MMP12: variants seen among roughly 807,000 people sequenced by gnomAD.
MMP12 encodes macrophage metalloelastase.
MMP12 carries 51 observed loss-of-function variants against 45.2 expected under a neutral mutation model. That is an observed-to-expected ratio of 1.13 (90% CI 0.90 to 1.42). MMP12 has a LOEUF of 1.42. Among genes scored for constraint, MMP12 ranks in the 40% most tolerant of loss-of-function variants. The pLI is 0.00. For synonymous variants in MMP12, 210 were observed against 193.3 expected (o/e 1.09, Z -0.72); for missense variants, 530 against 570.8 (o/e 0.93, Z 0.73).
intron 4 of MMP12, among the ~76,000 whole-genome samples, chr11:102,868,519 T>C (rs561619071): frequency 6.6e-6 from 1 of 152,328 alleles, no homozygotes; most frequent in East Asian, 1.9e-4. Flanking sequence ...ATTTTTAGTC[T>C]TCATGAAGCT....
intron 4 of MMP12, 24 bp from the exon 5 acceptor site, chr11:102,868,093 C>G: frequency 6.4e-7 from 1 of 1,568,498 alleles, no homozygotes; most frequent in Non-Finnish European, 8.7e-7. Flanking sequence ...AACCAAAAGA[C>G]AGCTGTGAAA....
chr11:102,874,753 A>G (rs1156612362), intron 1 of MMP12, 83 bp downstream of exon 1: 18 of 962,666 alleles, frequency 1.9e-5, no homozygotes, highest in Non-Finnish European at 2.8e-5. Context: ...ACAAACAAAC[A>G]AACAAACAAA....
rs1859527856 is a variant in MMP12 at position 102,872,932 on chromosome 11, G to A, written c.283C>T (p.Pro95Ser). The A allele has an allele frequency of 6.2e-7, 1 of 1,613,570 alleles. No homozygotes were observed. The change falls in exon 2 of 10, where the codon CCC (proline) becomes TCC (serine). Residue 95 changes from proline (P) to serine (S), a missense_variant. By Grantham distance (74) the Pro-to-Ser change is moderately conservative (BLOSUM62 -1). Coordinates refer to ENST00000571244, the MANE Select transcript of MMP12 (RefSeq NM_002426.6). ...ATTTCCCTGAAATGATGGACATCGG[G>A]GACTCCACATCGAGGTGCGTGCATC... Reference protein sequence around the residue: ...EMMHAPRCGVPDVHHFREMPG... With the variant: ...EMMHAPRCGVSDVHHFREMPG...
intron 3 of MMP12, 35 bp downstream of exon 3, chr11:102,871,769 T>C: frequency 6.2e-7 from 1 of 1,613,082 alleles, no homozygotes; most frequent in Non-Finnish European, 8.5e-7. Flanking sequence ...CTATAGATCA[T>C]GCCAAATGAC....
chr11:102,871,970 G>A lies in MMP12; in HGVS notation c.351-18C>T, dbSNP rs781893242. ...TATTGATTCTTTATCAGCAAAAAGA[G>A]AGAGAAAAATGTATGGAAGGCAGTG... On this transcript the variant is annotated intron_variant, in intron 2 of 9. Transcript: ENST00000571244. The A allele has an allele frequency of 1.9e-6, 3 of 1,590,284 alleles. No individual in the cohort carries two copies. The highest frequency in any genetic ancestry group is 3.6e-5 in the Admixed American group (2 of 55,198).
chr11:102,871,627 C>G lies in MMP12; in HGVS notation c.592G>C (p.Asp198His), dbSNP rs201174015. The G allele has an allele frequency of 1.4e-5, 22 of 1,563,506 alleles. No individual in the cohort carries two copies. Among genetic ancestry groups the G allele is most frequent in the Non-Finnish European group, 1.8e-5 (21 of 1,152,878 alleles). Reference protein sequence around the residue: ...GSGIGGDAHFDEDEFWTTHSG... With the variant: ...GSGIGGDAHFHEDEFWTTHSG... ...TGTGTAGTCCAGAATTCGTCCTCAT[C>G]GAAATGTGCATCCCCTCCAATGCCA... The change falls in exon 4 of 10, where the codon GAT becomes CAT. Residue 198 changes from aspartate to histidine, a missense_variant. Coordinates refer to ENST00000571244, the MANE Select transcript of MMP12 (RefSeq NM_002426.6).
rs574086650 is a variant in MMP12 at position 102,874,515 on chromosome 11, G to A, written c.102+321C>T. The stretch of plus-strand genomic sequence containing the variant: ...TGTTCAGATCTCAGATTATTAACTG[G>A]CATTTAATGATTAGTGTAAAATACC... On this transcript the variant is annotated intron_variant, in intron 1 of 9. Coordinates refer to ENST00000571244, the MANE Select transcript of MMP12 (RefSeq NM_002426.6). 3.9e-5 allele frequency among the ~76,000 whole-genome samples: 6 copies of A among 152,268 alleles called. No individual in the cohort carries two copies. The South Asian group carries it at 6.2e-4, about 16-fold the overall frequency.
At chr11:102,867,807 A>T (rs1859422022) in intron 5 of MMP12, 101 bp downstream of exon 5, 1 of 1,293,630 alleles carries the variant, frequency 7.7e-7, no homozygotes, top group Non-Finnish European at 1.1e-6. Context: ...TGCGGCTTAA[A>T]AAAAGACAGA....
Position 102,864,202 on chromosome 11 carries a change from G to C in MMP12, c.1256C>G (p.Thr419Ser). The change falls in exon 9 of 10, where the codon ACC becomes AGC. Residue 419 changes from threonine (T) to serine (S), a missense_variant. By Grantham distance (58) the Thr-to-Ser change is moderately conservative. Transcript: ENST00000571244. The stretch of plus-strand genomic sequence containing the variant: ...AGGCCCGATTCCTTGGAAGTTCTTG[G>C]TAATCAGTTTGGGATAACCAGGGTC... ...MMDPGYPKLI[T>S]KNFQGIGPKI... 6.2e-7 allele frequency: 1 copy of C among 1,613,810 alleles called. No homozygotes were observed. Among genetic ancestry groups the C allele is most frequent in the Non-Finnish European group, 8.5e-7 (1 of 1,179,806 alleles).
chr11:102,872,836 A>G, intron 2 of MMP12, 29 bp downstream of exon 2: 4 of 1,608,470 alleles, frequency 2.5e-6, no homozygotes, highest in Non-Finnish European at 2.5e-6. Flanking sequence ...GAAAGTAGAA[A>G]AATACAGGGC....
Position 102,871,936 on chromosome 11 carries a change from G to A in MMP12, c.367C>T (p.Pro123Ser), listed in dbSNP as rs1256449283. 1.2e-6 allele frequency: 2 copies of A among 1,608,370 alleles called. No homozygotes were observed. Among genetic ancestry groups the A allele is most frequent in the African/African-American group, 2.7e-5 (2 of 74,616 alleles). Residue 123 changes from proline to serine, a missense_variant, in exon 3 of 10, where the codon CCT (proline) becomes TCT (serine). Physicochemically the swap from Pro to Ser is moderately conservative, Grantham distance 74 (BLOSUM62 -1). Coordinates refer to ENST00000571244, the MANE Select transcript of MMP12 (RefSeq NM_002426.6). The part of the protein sequence containing the change: ...YITYRINNYT[P>S]DMNREDVDYA... ...TCAACATCCTCACGGTTCATGTCAGGTGTGTAATTATTGATTCTTTATCAG... is the reference window on the plus strand; with the variant it reads ...TCAACATCCTCACGGTTCATGTCAGATGTGTAATTATTGATTCTTTATCAG...
chr11:102,866,620 TCTTTGATAATAACAATGA>T (rs1287493822), intron 6 of MMP12, among the ~76,000 whole-genome samples, 172 bp from the exon 7 acceptor site: 52 of 152,284 alleles, frequency 3.4e-4, no homozygotes, highest in African/African-American at 1.2e-3. Context: ...ATCAATCAAC[TCTTTGATAATAACAATGA>T]CTTTAACAAG....
intron 9 of MMP12, among the ~76,000 whole-genome samples, 165 bp from the exon 10 acceptor site, chr11:102,863,365 C>T (rs1018443237): frequency 2.0e-5 from 3 of 152,122 alleles, no homozygotes; most frequent in Admixed American, 1.3e-4. Flanking sequence ...GGGAAGACTG[C>T]TTGAGGCCAG....
chr11:102,863,061 G>T lies in MMP12; in HGVS notation c.*39C>A. The T allele has an allele frequency of 1.5e-6, 2 of 1,314,874 alleles. No homozygotes were observed. The highest frequency in any genetic ancestry group is 2.2e-6 in the Non-Finnish European group (2 of 920,378). The allele number at this position is 1,314,874 out of a possible 1,614,324, so 81.5% of individuals were successfully genotyped here. On this transcript the variant is annotated 3_prime_UTR_variant, in exon 10 of 10. Coordinates refer to ENST00000571244, the MANE Select transcript of MMP12 (RefSeq NM_002426.6). ...CAAATATGCAATAAATACTTATTAAGCTGAAGTGAACTAACAAAAACCATT... is the reference window on the plus strand; with the variant it reads ...CAAATATGCAATAAATACTTATTAATCTGAAGTGAACTAACAAAAACCATT...
chr11:102,867,640 G>A (rs1859416511), intron 5 of MMP12, among the ~76,000 whole-genome samples: 1 of 151,796 alleles, frequency 6.6e-6, no homozygotes, highest in Non-Finnish European at 1.5e-5. Context: ...TTAATGTGTG[G>A]GCCTTCATCA....
At chr11:102,868,888 C>A (rs1393155744) in intron 4 of MMP12, among the ~76,000 whole-genome samples, 1 of 152,128 alleles carries the variant, frequency 6.6e-6, no homozygotes, top group Non-Finnish European at 1.5e-5. Flanking sequence ...ATTTGGACTA[C>A]CAAGTTACAG....
At chr11:102,870,517 T>C (rs563102925) in intron 4 of MMP12, among the ~76,000 whole-genome samples, 6 of 152,304 alleles carry the variant, frequency 3.9e-5, no homozygotes, top group Admixed American at 1.3e-4. Flanking sequence ...GTAGAGAATA[T>C]TATTGATGAC....
At position 102,865,370 on chromosome 11, in the gene MMP12, T is replaced by C. The variant is rs541258446; in HGVS notation, c.1205+406A>G. ...GATCTTGCAGGACCTCCTGACCTCC[T>C]GTCATTTAGAGGATGGTTGTCTCAT... On this transcript the variant is annotated intron_variant, in intron 8 of 9. Coordinates refer to ENST00000571244, the MANE Select transcript of MMP12 (RefSeq NM_002426.6). The surrounding 1 kb of genome is among the most constrained non-coding windows in gnomAD (Gnocchi z 4.1). 6.6e-6 allele frequency among the ~76,000 whole-genome samples: 1 copy of C among 152,328 alleles called. No homozygotes were observed. The highest frequency in any genetic ancestry group is 2.1e-4 in the South Asian group (1 of 4,826).
intron 1 of MMP12, among the ~76,000 whole-genome samples, chr11:102,873,918 A>G (rs1382986993): frequency 7.2e-5 from 11 of 151,838 alleles, no homozygotes; most frequent in Admixed American, 2.0e-4. Context: ...AGTCCCAGCT[A>G]CTTGGGAAGA....
Sources: allele counts gnomAD v4.1 joint callset (sites outside exome capture counted in the v4.1 genomes callset), GRCh38; gene constraint gnomAD v4.1.1; non-coding constraint Gnocchi (gnomAD v3.1); transcripts MANE v1.5; gene names NCBI Gene and HGNC (gene_info 2026-07-23, HGNC 2026-07-21).